Variants in WASF3 observed in about 807,000 individuals in gnomAD.
The protein encoded by WASF3 is WASP family member 3, also known as actin-binding protein WASF3.
WASF3 carries 11 observed loss-of-function variants against 46.6 expected under a neutral mutation model. That is an observed-to-expected ratio of 0.24 (90% CI 0.15 to 0.39). WASF3 has a LOEUF of 0.39. WASF3 is among the 10% of genes least tolerant of loss of function. The pLI, the probability that WASF3 is intolerant of heterozygous loss-of-function variation, is 1.00. For missense variants in WASF3, 576 were observed against 669.8 expected, an observed-to-expected ratio of 0.86 and a Z score of 1.55; for synonymous variants, 242 against 259.7, an observed-to-expected ratio of 0.93 and a Z score of 0.65.
chr13:26,670,679 CA>C (rs1423722781), intron 5 of WASF3, among the ~76,000 whole-genome samples: 1 of 152,088 alleles, frequency 6.6e-6, no homozygotes, highest in East Asian at 1.9e-4. Context: ...CTTAGGGAAA[CA>C]AATTATCTTT....
At chr13:26,640,053 T>C (rs1354877851) in intron 2 of WASF3, among the ~76,000 whole-genome samples, 2 of 152,014 alleles carry the variant, frequency 1.3e-5, no homozygotes, top group African/African-American at 4.8e-5. Context: ...GTGATAGGTG[T>C]GTGGGCTCTG....
chr13:26,666,180 A>T (rs1239928193), intron 4 of WASF3, among the ~76,000 whole-genome samples: 1 of 152,220 alleles, frequency 6.6e-6, no homozygotes, highest in South Asian at 2.1e-4. Context: ...AAGCATTCTT[A>T]CTTTTCCAAC....
intron 1 of WASF3, among the ~76,000 whole-genome samples, chr13:26,589,718 AAGAT>A (rs1342409780): frequency 6.6e-6 from 1 of 152,240 alleles, no homozygotes; most frequent in Non-Finnish European, 1.5e-5. Context: ...AATAAAATAA[AAGAT>A]AATGCTGTTA....
chr13:26,634,786 C>A (rs563079813), intron 2 of WASF3, among the ~76,000 whole-genome samples: 2 of 152,114 alleles, frequency 1.3e-5, no homozygotes, highest in African/African-American at 2.4e-5. Flanking sequence ...GTTGAAAATT[C>A]TTTTCTTTAA....
At chr13:26,562,326 G>T (rs1213717536) in intron 1 of WASF3, among the ~76,000 whole-genome samples, 1 of 152,150 alleles carries the variant, frequency 6.6e-6, no homozygotes, top group East Asian at 1.9e-4. Context: ...CAGGCAGGGC[G>T]TGCTCAGCTG....
chr13:26,597,751 T>C (rs1415635897), intron 1 of WASF3, among the ~76,000 whole-genome samples: 1 of 152,192 alleles, frequency 6.6e-6, no homozygotes, highest in Non-Finnish European at 1.5e-5. Flanking sequence ...TTGCTGAGAA[T>C]GATAGTTTCC....
chr13:26,577,899 T>G (rs966690891), intron 1 of WASF3, among the ~76,000 whole-genome samples: 7 of 152,204 alleles, frequency 4.6e-5, no homozygotes, highest in African/African-American at 1.7e-4. Flanking sequence ...ACAGAGGAAC[T>G]CCCTTAGGTT....
chr13:26,550,914 G>A, the WASF3 span, among the ~76,000 whole-genome samples: 2 of 152,134 alleles, frequency 1.3e-5, no homozygotes, highest in South Asian at 2.1e-4. Flanking sequence ...TCTTCCTAAC[G>A]CTGTCCCCAT....
chr13:26,642,743 A>AG (rs1219307485), intron 3 of WASF3, among the ~76,000 whole-genome samples: 1 of 152,228 alleles, frequency 6.6e-6, no homozygotes, highest in Non-Finnish European at 1.5e-5. Flanking sequence ...GTTAAACTTG[A>AG]ATAGGACCAA....
chr13:26,551,391 G>A, the WASF3 span, among the ~76,000 whole-genome samples: 1 of 152,154 alleles, frequency 6.6e-6, no homozygotes, highest in Admixed American at 6.5e-5. Flanking sequence ...ATGCCTTGGA[G>A]CCCTCTGTCT....
chr13:26,540,687 G>A, the WASF3 span, among the ~76,000 whole-genome samples: 17 of 152,204 alleles, frequency 1.1e-4, no homozygotes, highest in African/African-American at 4.1e-4. Context: ...CCAAGACCAT[G>A]TCTCTGCTCC....
intron 3 of WASF3, among the ~76,000 whole-genome samples, chr13:26,659,611 C>T (rs1017980147): frequency 2.0e-5 from 3 of 152,082 alleles, no homozygotes; most frequent in Non-Finnish European, 4.4e-5. Flanking sequence ...AATCCCTTGG[C>T]GGTTAGGGAG....
intron 3 of WASF3, among the ~76,000 whole-genome samples, chr13:26,650,927 C>T (rs1224721983): frequency 1.3e-5 from 2 of 152,148 alleles, no homozygotes; most frequent in East Asian, 1.9e-4. Flanking sequence ...TAATTGGAAT[C>T]TCAGAACAAA....
chr13:26,599,498 C>G (rs1176546847), intron 1 of WASF3, among the ~76,000 whole-genome samples: 1 of 152,168 alleles, frequency 6.6e-6, no homozygotes, highest in Non-Finnish European at 1.5e-5. Context: ...GCCCTAGCAC[C>G]TTGTGCACTA....
intron 1 of WASF3, among the ~76,000 whole-genome samples, chr13:26,587,273 G>GTT (rs568894421): frequency 1.8e-4 from 25 of 138,524 alleles, no homozygotes; most frequent in Admixed American, 5.0e-4. Flanking sequence ...CCTAAACTCT[G>GTT]TTTTTTTTTT....
At position 26,682,896 on chromosome 13, in the gene WASF3, G is replaced by T; in HGVS notation, c.1273G>T (p.Ala425Ser). 2 of 1,611,514 alleles carry T rather than the reference G, an allele frequency of 1.2e-6. No homozygotes were observed. ...CTCCCCAATGCATGGCCCCCCAGTA[G>T]CTGAGGCGAAGCGGCAAGAGCCTGC... ...SSSPMHGPPV[A>S]EAKRQEPAQP... Residue 425 changes from alanine (A) to serine (S), a missense_variant, in exon 9 of 10, where the codon GCT becomes TCT. Coordinates refer to ENST00000335327, the MANE Select transcript of WASF3 (RefSeq NM_006646.6). This position sits in a 1 kb window ranked among gnomAD's most constrained non-coding sequence, Gnocchi z 4.4.
At chr13:26,617,265 GT>G (rs59761644) in intron 2 of WASF3, among the ~76,000 whole-genome samples, 8,977 of 147,782 alleles carry the variant, frequency 0.061, 705 homozygotes, top group African/African-American at 0.18. Context: ...CATTTTTAGT[GT>G]TTTTTTTTTA....
At chr13:26,576,374 A>G (rs1212843000) in intron 1 of WASF3, among the ~76,000 whole-genome samples, 1 of 151,632 alleles carries the variant, frequency 6.6e-6, no homozygotes, top group Non-Finnish European at 1.5e-5. Context: ...GGGGTCTTGA[A>G]CTGTAAGAGG....
At chr13:26,660,344 G>A (rs1882594728) in intron 3 of WASF3, among the ~76,000 whole-genome samples, 1 of 151,908 alleles carries the variant, frequency 6.6e-6, no homozygotes, top group Non-Finnish European at 1.5e-5. Flanking sequence ...GAGGGCCCAC[G>A]AGGCAGGAGG....
Sources: allele counts gnomAD v4.1 joint callset (sites outside exome capture counted in the v4.1 genomes callset), GRCh38; gene constraint gnomAD v4.1.1; non-coding constraint Gnocchi (gnomAD v3.1); transcripts MANE v1.5; gene names NCBI Gene and HGNC (gene_info 2026-07-23, HGNC 2026-07-21).